PCBD2: variants seen among roughly 807,000 people sequenced by gnomAD.
The protein encoded by PCBD2 is pterin-4-alpha-carbinolamine dehydratase 2.
A neutral mutation model predicts 16.4 loss-of-function variants in PCBD2; 12 were observed. That is an observed-to-expected ratio of 0.73 (90% confidence interval 0.47 to 1.19). PCBD2 has a LOEUF of 1.19. PCBD2 is among the 50% of genes most tolerant of loss of function. PCBD2 has a pLI of 0.00. For missense variants in PCBD2, 138 were observed against 156.8 expected (o/e 0.88, Z 0.64); for synonymous variants, 58 against 61.8 (o/e 0.94, Z 0.29).
At chr5:134,921,290 T>G (rs1750900609) in intron 2 of PCBD2, among the ~76,000 whole-genome samples, 1 of 152,186 alleles carries the variant, frequency 6.6e-6, no homozygotes, top group Non-Finnish European at 1.5e-5. Context: ...TTTTTTCAGC[T>G]TACCATGTTA....
chr5:134,925,194 A>G, intron 2 of PCBD2: 4 of 398,498 alleles, frequency 1.0e-5, no homozygotes, highest in Non-Finnish European at 1.3e-5. Context: ...TTCGAGTGCT[A>G]TAGGCGCTTG....
chr5:134,920,356 C>T (rs2149531828), intron 2 of PCBD2, among the ~76,000 whole-genome samples: 1 of 152,342 alleles, frequency 6.6e-6, no homozygotes, highest in East Asian at 1.9e-4. Context: ...TTTTTAGATC[C>T]TACTGTGACA....
At chr5:134,924,008 A>G (rs1750946254) in intron 2 of PCBD2, 1 of 394,804 alleles carries the variant, frequency 2.5e-6, no homozygotes, top group Non-Finnish European at 4.5e-6. Context: ...ATGAGCGGTT[A>G]ATTAATTTTA....
intron 2 of PCBD2, among the ~76,000 whole-genome samples, chr5:134,948,442 GT>G (rs533432504): frequency 6.6e-6 from 1 of 151,310 alleles, no homozygotes; most frequent in Non-Finnish European, 1.5e-5. Flanking sequence ...CGTGTGTAGA[GT>G]TTTTTTTTGT....
At position 134,911,811 on chromosome 5, in the gene PCBD2, C is replaced by A. The variant is rs373281550; in HGVS notation, c.216+1345C>A. 9.2e-5 allele frequency among the ~76,000 whole-genome samples: 14 copies of A among 152,354 alleles called. No individual in the cohort carries two copies. In the South Asian group the frequency reaches 2.7e-3, roughly 29 times the overall value. On this transcript the variant is annotated intron_variant, in intron 2 of 3. Transcript: ENST00000254908. ...ACCTGGACCAAGCAGACTCCCTGTC[C>A]CCGCTGCCCCACGTGCTCAACAGCT...
chr5:134,910,187 G>T, intron 1 of PCBD2, 148 bp from the exon 2 acceptor site: 1 of 841,576 alleles, frequency 1.2e-6, no homozygotes, highest in Admixed American at 3.0e-5. Context: ...GCCTTGCTTT[G>T]GTCTCTTTAA....
At chr5:134,910,873 C>T (rs1750761069) in intron 2 of PCBD2, among the ~76,000 whole-genome samples, 1 of 152,176 alleles carries the variant, frequency 6.6e-6, no homozygotes, top group Non-Finnish European at 1.5e-5. Context: ...TTACTGCTGC[C>T]TCGACCTCCT....
intron 2 of PCBD2, chr5:134,926,033 C>T (rs766758444): frequency 1.9e-4 from 72 of 373,782 alleles, no homozygotes; most frequent in Middle Eastern, 7.1e-4. Flanking sequence ...CCTTCTCAGC[C>T]GATGAATAGC....
intron 2 of PCBD2, among the ~76,000 whole-genome samples, chr5:134,955,988 A>G (rs1035879567): frequency 6.6e-6 from 1 of 152,216 alleles, no homozygotes; most frequent in Non-Finnish European, 1.5e-5. Context: ...TCAGTCATCT[A>G]AATTCCTTGG....
chr5:134,926,783 C>T (rs75410539), intron 2 of PCBD2: 16 of 397,340 alleles, frequency 4.0e-5, no homozygotes, highest in South Asian at 1.3e-4. Context: ...GGTGGCTGAG[C>T]GAGCCTCATT....
In PCBD2 at chr5:134,960,871, A is replaced by C. The variant is rs1751467703; in HGVS notation, c.*190A>C. 2 of 480,936 alleles carry C rather than the reference A, an allele frequency of 4.2e-6. No homozygotes were observed. Among genetic ancestry groups the C allele is most frequent in the Non-Finnish European group, 7.4e-6 (2 of 270,044 alleles). 29.8% of individuals were successfully genotyped at this position (480,936 alleles called of 1,614,324 possible). ...AACCTCCGCCTCCCAGGTTCAGGTG[A>C]TTCTCCTGCCTCAGCCTCCTGAGTA... On this transcript the variant is annotated 3_prime_UTR_variant, in exon 4 of 4. Coordinates refer to ENST00000254908, the MANE Select transcript of PCBD2 (RefSeq NM_032151.5).
intron 2 of PCBD2, among the ~76,000 whole-genome samples, chr5:134,948,193 T>C (rs1444820069): frequency 1.3e-5 from 2 of 152,214 alleles, no homozygotes; most frequent in Non-Finnish European, 2.9e-5. Context: ...AAGAAAGAGC[T>C]AATCAGACTG....
chr5:134,938,240 C>A (rs757100226), intron 2 of PCBD2, among the ~76,000 whole-genome samples: 17 of 152,214 alleles, frequency 1.1e-4, no homozygotes, highest in Non-Finnish European at 2.4e-4. Flanking sequence ...TAAGGCATGT[C>A]TCCAGATCCG....
intron 2 of PCBD2, among the ~76,000 whole-genome samples, chr5:134,911,049 A>G (rs1013881622): frequency 6.6e-6 from 1 of 152,198 alleles, no homozygotes; most frequent in Non-Finnish European, 1.5e-5. Flanking sequence ...TGGCCTCCCA[A>G]TGTGCTGGGA....
chr5:134,939,551 A>G (rs2149537069), intron 2 of PCBD2, among the ~76,000 whole-genome samples: 1 of 152,274 alleles, frequency 6.6e-6, no homozygotes, highest in Admixed American at 6.5e-5. Context: ...AATCCTGTGT[A>G]GCATCTACCA....
chr5:134,909,379 A>AT (rs1750737243), intron 1 of PCBD2, among the ~76,000 whole-genome samples: 1 of 152,346 alleles, frequency 6.6e-6, no homozygotes, highest in East Asian at 1.9e-4. Flanking sequence ...GTAAATGTGC[A>AT]TTTGTTTTTC....
intron 2 of PCBD2, among the ~76,000 whole-genome samples, chr5:134,917,935 T>C (rs1011099353): frequency 6.6e-6 from 1 of 152,212 alleles, no homozygotes; most frequent in African/African-American, 2.4e-5. Context: ...TGGTGAACAT[T>C]TTGAAACACT....
At chr5:134,945,824 A>G (rs976250617) in intron 2 of PCBD2, among the ~76,000 whole-genome samples, 1 of 152,166 alleles carries the variant, frequency 6.6e-6, no homozygotes, top group Non-Finnish European at 1.5e-5. Flanking sequence ...CCTCACACCC[A>G]GTAGTGATGT....
intron 2 of PCBD2, among the ~76,000 whole-genome samples, chr5:134,917,277 G>T (rs1002248802): frequency 6.6e-6 from 1 of 152,252 alleles, no homozygotes; most frequent in African/African-American, 2.4e-5. Flanking sequence ...CAGGGCAGGA[G>T]CCCAGCCGGG....
Sources: allele counts gnomAD v4.1 joint callset (sites outside exome capture counted in the v4.1 genomes callset), GRCh38; gene constraint gnomAD v4.1.1; transcripts MANE v1.5; gene names NCBI Gene and HGNC (gene_info 2026-07-23, HGNC 2026-07-21).